Variants in ANKRD11 observed in about 807,000 individuals in gnomAD.
ANKRD11 encodes the protein ankyrin repeat domain 11.
ANKRD11 carries 17 observed loss-of-function variants against 195.7 expected under a neutral mutation model. The observed-to-expected ratio is 0.09, with a 90% CI of 0.06 to 0.13. ANKRD11 has a LOEUF of 0.13. Among genes scored for constraint, ANKRD11 ranks in the 10% least tolerant of loss-of-function variants. ANKRD11 has a pLI of 1.00. For synonymous variants in ANKRD11, 1,953 were observed against 1,528.1 expected (o/e 1.28, Z -6.49); for missense variants, 3,735 against 3,566.1 (o/e 1.05, Z -1.21).
chr16:89,413,799 T>C (rs1177694873), intron 2 of ANKRD11, among the ~76,000 whole-genome samples: 2 of 151,946 alleles, frequency 1.3e-5, no homozygotes, highest in African/African-American at 4.8e-5. Flanking sequence ...CCAGGGAGAC[T>C]CTGCACTCCC....
intron 11 of ANKRD11, among the ~76,000 whole-genome samples, chr16:89,274,268 A>T (rs111653451): frequency 6.6e-5 from 10 of 152,278 alleles, no homozygotes; most frequent in South Asian, 6.2e-4. Flanking sequence ...CCCACAGCAG[A>T]TGGGCAGGAC....
intron 1 of ANKRD11, among the ~76,000 whole-genome samples, chr16:89,472,627 A>T (rs1482982193): frequency 6.6e-6 from 1 of 152,198 alleles, no homozygotes; most frequent in Non-Finnish European, 1.5e-5. Context: ...CACTGCGCCC[A>T]GCTTATTCCA....
chr16:89,395,439 G>A (rs1162688707), intron 2 of ANKRD11, among the ~76,000 whole-genome samples: 1 of 152,236 alleles, frequency 6.6e-6, no homozygotes, highest in African/African-American at 2.4e-5. Context: ...AGACAGCGCT[G>A]GGATGCCAGC....
At chr16:89,322,454 G>A (rs1237721878) in intron 2 of ANKRD11, among the ~76,000 whole-genome samples, 1 of 152,244 alleles carries the variant, frequency 6.6e-6, no homozygotes, top group East Asian at 1.9e-4. Context: ...AGGCCCCTGA[G>A]AAGGGATGTG....
chr16:89,296,953 G>A (rs762164984), intron 4 of ANKRD11, among the ~76,000 whole-genome samples: 3 of 152,164 alleles, frequency 2.0e-5, no homozygotes, highest in South Asian at 2.1e-4. Context: ...CTCTTAGCTG[G>A]GGGGACAGTG....
At chr16:89,324,626 G>C (rs923559622) in intron 2 of ANKRD11, 1 of 412,298 alleles carries the variant, frequency 2.4e-6, no homozygotes, top group Non-Finnish European at 4.9e-6. Flanking sequence ...GGAAGCACTG[G>C]ACTGGCTGAG....
intron 7 of ANKRD11, chr16:89,286,710 C>G (rs764804943): frequency 8.3e-5 from 104 of 1,254,614 alleles, no homozygotes; most frequent in Non-Finnish European, 9.1e-5. Context: ...AGAAAATAAT[C>G]TCTCCCTTGC....
rs1285396115 is a variant in ANKRD11 at position 89,408,730 on chromosome 16, C to CA, written c.-60+9553dup. ...GGCCTCAGAGTCCCCGGGACTCACT[C>CA]ACTCACTTCACTGATCAGCCGTGGA... On this transcript the variant is annotated intron_variant, in intron 2 of 12. Coordinates refer to ENST00000301030, the MANE Select transcript of ANKRD11 (RefSeq NM_013275.6). Among the ~76,000 whole-genome samples the CA allele has an allele frequency of 7.6e-4, 116 of 152,316 alleles. 1 individual carries two copies. The highest frequency in any genetic ancestry group is 2.5e-4 in the Non-Finnish European group (17 of 68,022).
chr16:89,389,608 T>A (rs1448658932), intron 2 of ANKRD11, among the ~76,000 whole-genome samples: 1 of 151,718 alleles, frequency 6.6e-6, no homozygotes, highest in Non-Finnish European at 1.5e-5. Context: ...TCACACTGGG[T>A]GGGATTCACA....
intron 2 of ANKRD11, among the ~76,000 whole-genome samples, chr16:89,402,829 C>T (rs1466324153): frequency 7.5e-6 from 1 of 133,418 alleles, no homozygotes. Context: ...GGGGGGGCGG[C>T]ACTGCGGGAG....
intron 2 of ANKRD11, among the ~76,000 whole-genome samples, chr16:89,337,906 T>C (rs539274473): frequency 6.6e-5 from 10 of 152,302 alleles, no homozygotes; most frequent in Non-Finnish European, 1.2e-4. Flanking sequence ...TCCCCCTCTA[T>C]TGGGACCACA....
intron 1 of ANKRD11, among the ~76,000 whole-genome samples, chr16:89,430,372 G>A (rs1259720986): frequency 6.7e-6 from 1 of 148,170 alleles, no homozygotes; most frequent in African/African-American, 2.5e-5. Context: ...ACGCTCAGTC[G>A]TTCTAGTACA....
At chr16:89,448,555 C>G (rs2043912805) in intron 1 of ANKRD11, among the ~76,000 whole-genome samples, 1 of 152,032 alleles carries the variant, frequency 6.6e-6, no homozygotes, top group African/African-American at 2.4e-5. Flanking sequence ...AACTCTCAAA[C>G]CAAAAGTTGA....
chr16:89,313,156 C>G (rs1340400096), intron 3 of ANKRD11, among the ~76,000 whole-genome samples: 3 of 152,226 alleles, frequency 2.0e-5, no homozygotes, highest in Non-Finnish European at 4.4e-5. Flanking sequence ...TCGGAGGACA[C>G]ACTTTGAGAA....
At chr16:89,408,686 C>T (rs577236816) in intron 2 of ANKRD11, among the ~76,000 whole-genome samples, 1 of 152,272 alleles carries the variant, frequency 6.6e-6, no homozygotes, top group East Asian at 1.9e-4. Flanking sequence ...TAGAGTCCAG[C>T]GCTAATACAA....
chr16:89,406,900 C>T (rs1187591408), intron 2 of ANKRD11, among the ~76,000 whole-genome samples: 1 of 152,152 alleles, frequency 6.6e-6, no homozygotes, highest in Non-Finnish European at 1.5e-5. Context: ...AACATCAGGC[C>T]GGACGTGGTG....
intron 2 of ANKRD11, among the ~76,000 whole-genome samples, chr16:89,358,145 C>T (rs144926131): frequency 1.3e-3 from 193 of 152,340 alleles, no homozygotes; most frequent in African/African-American, 4.4e-3. Flanking sequence ...GCTGGAGATG[C>T]TGCACCCACC....
intron 2 of ANKRD11, among the ~76,000 whole-genome samples, chr16:89,402,733 G>A (rs923866950): frequency 3.4e-5 from 5 of 147,744 alleles, no homozygotes; most frequent in African/African-American, 1.3e-4. Context: ...GGGGCTCTGT[G>A]GGGTGAGATA....
At chr16:89,369,455 C>T (rs998497901) in intron 2 of ANKRD11, among the ~76,000 whole-genome samples, 4 of 152,208 alleles carry the variant, frequency 2.6e-5, no homozygotes, top group African/African-American at 9.6e-5. Flanking sequence ...CCAAGCTCTG[C>T]CGCAGCATGG....
Sources: allele counts gnomAD v4.1 joint callset (sites outside exome capture counted in the v4.1 genomes callset), GRCh38; gene constraint gnomAD v4.1.1; transcripts MANE v1.5; gene names NCBI Gene and HGNC (gene_info 2026-07-23, HGNC 2026-07-21).